Variants in DENND1A observed in about 807,000 individuals in gnomAD.
DENND1A encodes the protein DENN domain containing 1A.
A neutral mutation model predicts 113.7 loss-of-function variants in DENND1A; 51 were observed. The ratio of observed to expected loss-of-function variants is 0.45; its 90% CI spans 0.36 to 0.57. The LOEUF (loss-of-function observed/expected upper bound fraction) is 0.57. DENND1A is among the 20% of genes least tolerant of loss of function. The pLI, the probability that DENND1A is intolerant of heterozygous loss-of-function variation, is 0.00. For synonymous variants in DENND1A, 565 were observed against 570.8 expected, an observed-to-expected ratio of 0.99 and a Z score of 0.14; for missense variants, 1,258 against 1,395.9, an observed-to-expected ratio of 0.90 and a Z score of 1.57.
intron 10 of DENND1A, among the ~76,000 whole-genome samples, chr9:123,622,472 G>C (rs780339629): frequency 1.6e-4 from 25 of 152,070 alleles, no homozygotes; most frequent in Non-Finnish European, 3.4e-4. Context: ...ATAAATATTT[G>C]CTGAATAAAT....
intron 13 of DENND1A, among the ~76,000 whole-genome samples, chr9:123,472,799 T>C (rs1268014292): frequency 6.6e-6 from 1 of 152,016 alleles, no homozygotes; most frequent in Non-Finnish European, 1.5e-5. Context: ...TGCATTCCCA[T>C]AACACGGGGC....
intron 13 of DENND1A, among the ~76,000 whole-genome samples, chr9:123,459,429 G>A (rs1455226409): frequency 2.6e-5 from 4 of 152,042 alleles, no homozygotes; most frequent in Non-Finnish European, 5.9e-5. Context: ...GAACGGGGAT[G>A]ATCAAAAATA....
chr9:123,873,613 T>C (rs1846989165), intron 2 of DENND1A, among the ~76,000 whole-genome samples: 4 of 152,254 alleles, frequency 2.6e-5, no homozygotes, highest in Admixed American at 2.6e-4. Context: ...AAGTTTTATT[T>C]AGTTTCCCAA....
Position 123,790,685 on chromosome 9 carries a change from G to A in DENND1A, c.132+1902C>T, listed in dbSNP as rs551078806. ...CATTAACTAAAGCAAAGAGAATTACGTTCATAAGATAATATCTAATCAGTC... is the reference window on the plus strand; with the variant it reads ...CATTAACTAAAGCAAAGAGAATTACATTCATAAGATAATATCTAATCAGTC... On this transcript the variant is annotated intron_variant, in intron 3 of 23. Transcript: ENST00000394215. Among the ~76,000 whole-genome samples, 14 of 152,136 alleles carry A rather than the reference G, an allele frequency of 9.2e-5. 1 individual carries two copies. In the South Asian group the frequency reaches 1.2e-3, roughly 14 times the overall value.
At chr9:123,437,482 C>A (rs565288938) in intron 19 of DENND1A, among the ~76,000 whole-genome samples, 1 of 152,344 alleles carries the variant, frequency 6.6e-6, no homozygotes, top group Non-Finnish European at 1.5e-5. Flanking sequence ...GGTCTCCATC[C>A]CCACTGGCAA....
At chr9:123,518,825 T>C (rs922693560) in intron 13 of DENND1A, among the ~76,000 whole-genome samples, 4 of 152,172 alleles carry the variant, frequency 2.6e-5, no homozygotes, top group Non-Finnish European at 5.9e-5. Flanking sequence ...AAAGCCATCC[T>C]CTGAGCAGCC....
intron 19 of DENND1A, among the ~76,000 whole-genome samples, chr9:123,437,422 G>A (rs1306463751): frequency 1.3e-5 from 2 of 152,168 alleles, no homozygotes; most frequent in Non-Finnish European, 2.9e-5. Flanking sequence ...CTGGCTAGCT[G>A]CACAGGCACC....
chr9:123,554,935 T>A (rs1323089293), intron 13 of DENND1A, among the ~76,000 whole-genome samples: 1 of 152,244 alleles, frequency 6.6e-6, no homozygotes, highest in Non-Finnish European at 1.5e-5. Context: ...AAAACTATCA[T>A]AAGACAGACT....
Position 123,738,443 on chromosome 9 carries a change from C to CTGTGTGTGTG in DENND1A, c.302+19250_302+19259dup, listed in dbSNP as rs59851560. On this transcript the variant is annotated intron_variant, in intron 5 of 23. Transcript: ENST00000394215. ...TGAAAAACTGCCGTGTCAACAGCTTCTGTGTGTGTGTGTGTGTGTGTGTGT... is the reference window on the plus strand; with the variant it reads ...TGAAAAACTGCCGTGTCAACAGCTTCTGTGTGTGTGTGTGTGTGTGTGTGTGTGTGTGTGT... Among the ~76,000 whole-genome samples, 943 of 143,426 alleles carry CTGTGTGTGTG rather than the reference C, an allele frequency of 6.6e-3. 7 individuals are homozygous for CTGTGTGTGTG. The highest frequency in any genetic ancestry group is 0.018 in the Middle Eastern group (5 of 278). The allele number at this position is 143,426 out of a possible 152,430, so 94.1% of individuals were successfully genotyped here.
chr9:123,894,203 G>A (rs1444876421), intron 1 of DENND1A, among the ~76,000 whole-genome samples: 2 of 152,200 alleles, frequency 1.3e-5, no homozygotes, highest in Non-Finnish European at 2.9e-5. Flanking sequence ...TCCCTGAGGA[G>A]GAGAGAGATG....
intron 2 of DENND1A, among the ~76,000 whole-genome samples, chr9:123,872,871 T>A (rs1181069896): frequency 6.6e-6 from 1 of 152,182 alleles, no homozygotes; most frequent in African/African-American, 2.4e-5. Context: ...TAAAGACCCA[T>A]AAAGTAGTTT....
At chr9:123,411,928 G>T (rs2044335521) in intron 19 of DENND1A, 99 bp from the exon 20 acceptor site, 3 of 824,892 alleles carry the variant, frequency 3.6e-6, no homozygotes, top group African/African-American at 1.9e-5. Context: ...ACCTAAGCCA[G>T]AGCCAGAGGG....
At chr9:123,680,938 C>A (rs1375471982) in intron 5 of DENND1A, among the ~76,000 whole-genome samples, 1 of 152,092 alleles carries the variant, frequency 6.6e-6, no homozygotes, top group African/African-American at 2.4e-5. Flanking sequence ...CACAGCAGGA[C>A]ATCAGACTCA....
intron 1 of DENND1A, among the ~76,000 whole-genome samples, chr9:123,928,137 C>G (rs1214927283): frequency 6.6e-6 from 1 of 152,180 alleles, no homozygotes; most frequent in African/African-American, 2.4e-5. Context: ...TTCCCTAACC[C>G]AAGTGCTCAG....
intron 5 of DENND1A, among the ~76,000 whole-genome samples, chr9:123,689,950 C>T (rs1417470712): frequency 6.6e-6 from 1 of 150,504 alleles, no homozygotes; most frequent in Non-Finnish European, 1.5e-5. Context: ...GATCGCGCCA[C>T]TGTACTCCAG....
In DENND1A at chr9:123,782,566, C is replaced by G. The variant is rs892931992; in HGVS notation, c.132+10021G>C. On this transcript the variant is annotated intron_variant, in intron 3 of 23. Transcript: ENST00000394215. The stretch of plus-strand genomic sequence containing the variant: ...CTGGACACGAAGCCGGCAAGAATCT[C>G]TGACTTCCTGCCTGGGAAAGGGAGA... Among the ~76,000 whole-genome samples the G allele has an allele frequency of 4.6e-5, 7 of 152,304 alleles. No individual in the cohort carries two copies. The Middle Eastern group carries it at 0.014, about 296-fold the overall frequency.
At chr9:123,722,837 G>C (rs925663442) in intron 5 of DENND1A, among the ~76,000 whole-genome samples, 1 of 152,250 alleles carries the variant, frequency 6.6e-6, no homozygotes, top group East Asian at 1.9e-4. Context: ...ACTTCTGCTA[G>C]GGCAGTGCAG....
At chr9:123,575,514 G>A (rs183252087) in intron 12 of DENND1A, among the ~76,000 whole-genome samples, 1 of 152,196 alleles carries the variant, frequency 6.6e-6, no homozygotes, top group South Asian at 2.1e-4. Flanking sequence ...TACCACAGAA[G>A]TGAAATATCC....
intron 2 of DENND1A, among the ~76,000 whole-genome samples, chr9:123,799,991 A>G (rs924898663): frequency 6.6e-6 from 1 of 152,240 alleles, no homozygotes; most frequent in Non-Finnish European, 1.5e-5. Context: ...CAAATTGGAA[A>G]TACATGTGTT....
Sources: allele counts gnomAD v4.1 joint callset (sites outside exome capture counted in the v4.1 genomes callset), GRCh38; gene constraint gnomAD v4.1.1; transcripts MANE v1.5; gene names NCBI Gene and HGNC (gene_info 2026-07-23, HGNC 2026-07-21).